The following OSBPL5 variants were observed in gnomAD, a reference collection of about 807,000 sequenced individuals.
OSBPL5 encodes oxysterol-binding protein-related protein 5.
In OSBPL5, 71 loss-of-function variants were observed where a neutral mutation model predicts 111.2. The observed-to-expected ratio is 0.64, with a 90% CI of 0.53 to 0.78. OSBPL5 has a LOEUF of 0.78. Ranked by LOEUF, OSBPL5 falls within the 30% of genes least tolerant of loss-of-function variation. OSBPL5 has a pLI of 0.00. For synonymous variants in OSBPL5, 549 were observed against 513.9 expected, an observed-to-expected ratio of 1.07 and a Z score of -0.93; for missense variants, 1,210 against 1,189.3, an observed-to-expected ratio of 1.02 and a Z score of -0.26.
chr11:3,128,891 C>T, intron 2 of OSBPL5, 122 bp downstream of exon 2: 1 of 957,718 alleles, frequency 1.0e-6, no homozygotes, highest in Non-Finnish European at 1.4e-6. Flanking sequence ...ATCATGAAAC[C>T]CACACAGTCC....
At position 3,116,007 on chromosome 11, in the gene OSBPL5, T is replaced by C. The variant is rs368495655; in HGVS notation, c.691+3540A>G. Among the ~76,000 whole-genome samples the C allele has an allele frequency of 3.8e-4, 58 of 152,266 alleles. 2 individuals are homozygous for C. In the East Asian group the frequency reaches 9.6e-3, roughly 25 times the overall value. ...ATTTGACAAACTTTCCAAAATCAAA[T>C]TATAAATTATGTCTTTTTCTAACCT... On this transcript the variant is annotated intron_variant, in intron 7 of 21. Coordinates refer to ENST00000263650, the MANE Select transcript of OSBPL5 (RefSeq NM_020896.4).
chr11:3,126,682 G>C lies in OSBPL5; in HGVS notation c.137-127C>G. The C allele has an allele frequency of 1.4e-6, 1 of 699,696 alleles. No homozygotes were observed. The highest frequency in any genetic ancestry group is 3.0e-5 in the East Asian group (1 of 33,826). 43.3% of individuals were successfully genotyped at this position (699,696 alleles called of 1,614,324 possible). A position where few individuals can be genotyped will look rare whatever the true frequency, so the allele number is the denominator to read the frequency against. On this transcript the variant is annotated intron_variant, in intron 2 of 21. Coordinates refer to ENST00000263650, the MANE Select transcript of OSBPL5 (RefSeq NM_020896.4). The surrounding 1 kb of genome is among the most constrained non-coding windows in gnomAD (Gnocchi z 6.5). ...CCTGGGAGGGGCAGGAAGTCAGCCG[G>C]AGGTGGTGGCAGGAACAGGACACTG...
intron 1 of OSBPL5, 83 bp from the exon 2 acceptor site, chr11:3,129,252 A>G (rs11025526): frequency 0.78 from 990,468 of 1,262,950 alleles, 391,524 homozygotes; most frequent in African/African-American, 0.89. Context: ...GCCCCTGGCT[A>G]AGAAGTCCCC....
At chr11:3,100,456 T>C (rs72844062) in intron 13 of OSBPL5, among the ~76,000 whole-genome samples, 200 bp from the exon 14 acceptor site, 15,892 of 152,250 alleles carry the variant, frequency 0.1, 946 homozygotes, top group Non-Finnish European at 0.14. Flanking sequence ...GCACAGGACA[T>C]CTGTGCTGAG....
In OSBPL5 at chr11:3,121,320, AGTGTTGGGATTACAG is replaced by A. The variant is rs2134456712; in HGVS notation, c.402+662_402+676del. On this transcript the variant is annotated intron_variant, in intron 5 of 21. Coordinates refer to ENST00000263650, the MANE Select transcript of OSBPL5 (RefSeq NM_020896.4). This position sits in a 1 kb window ranked among gnomAD's most constrained non-coding sequence, Gnocchi z 4.3. ...TGATCCACCCGCCTTAGCCTCCCAA[AGTGTTGGGATTACAG>A]GTGTGAGCCACTGCACCCGGCCTGG... Among the ~76,000 whole-genome samples, 1 of 152,218 alleles carries A rather than the reference AGTGTTGGGATTACAG, an allele frequency of 6.6e-6. No individual in the cohort carries two copies. Among genetic ancestry groups the A allele is most frequent in the African/African-American group, 2.4e-5 (1 of 41,542 alleles).
At position 3,093,667 on chromosome 11, in the gene OSBPL5, C is replaced by A; in HGVS notation, c.1810-4G>T. The stretch of plus-strand genomic sequence containing the variant: ...CCTTGATAAACACGTCCCTGTCCTG[C>A]CCCAGATGGCCAGCGGGGTCAGAGG... On this transcript the variant is annotated splice_region_variant and splice_polypyrimidine_tract_variant and intron_variant, in intron 16 of 21. Transcript: ENST00000263650. 6.2e-7 allele frequency: 1 copy of A among 1,613,202 alleles called. No individual in the cohort carries two copies. Among genetic ancestry groups the A allele is most frequent in the Non-Finnish European group, 8.5e-7 (1 of 1,179,928 alleles).
intron 14 of OSBPL5, among the ~76,000 whole-genome samples, chr11:3,097,002 AAG>A (rs767459905): frequency 0.01 from 615 of 60,310 alleles, no homozygotes; most frequent in Non-Finnish European, 0.012. Context: ...GAGAAGAGGA[AAG>A]AGGGGGAAGA....
intron 1 of OSBPL5, among the ~76,000 whole-genome samples, chr11:3,133,364 AC>A (rs1368924500): frequency 6.6e-6 from 1 of 152,232 alleles, no homozygotes; most frequent in East Asian, 1.9e-4. Context: ...GGCAGCAGCG[AC>A]CTGGGATCCC....
intron 19 of OSBPL5, 68 bp from the exon 20 acceptor site, chr11:3,090,764 G>A (rs768820403): frequency 6.6e-7 from 1 of 1,522,502 alleles, no homozygotes; most frequent in Non-Finnish European, 8.8e-7. Flanking sequence ...CAGGGACATG[G>A]TGGCATGCTT....
In OSBPL5 at chr11:3,096,512, G is replaced by A. The variant is rs144322111; in HGVS notation, c.1622-2178C>T. On this transcript the variant is annotated intron_variant, in intron 14 of 21. Coordinates refer to ENST00000263650, the MANE Select transcript of OSBPL5 (RefSeq NM_020896.4). The stretch of plus-strand genomic sequence containing the variant: ...CGCACGCATGTAATGCTAGCTACTC[G>A]GGAGGCTGAGGCAGGAGAATCGTTT... Among the ~76,000 whole-genome samples, 858 of 151,910 alleles carry A rather than the reference G, an allele frequency of 5.6e-3. 7 individuals are homozygous for A. Among genetic ancestry groups the A allele is most frequent in the African/African-American group, 0.02 (808 of 41,428 alleles).
At chr11:3,129,721 G>C (rs118031595) in intron 1 of OSBPL5, among the ~76,000 whole-genome samples, 97 of 152,320 alleles carry the variant, frequency 6.4e-4, no homozygotes, top group African/African-American at 2.2e-3. Context: ...GGTTAAGCCC[G>C]CCTGAAGCTT....
chr11:3,133,000 G>A (rs926934414), intron 1 of OSBPL5, among the ~76,000 whole-genome samples: 1 of 152,200 alleles, frequency 6.6e-6, no homozygotes, highest in Non-Finnish European at 1.5e-5. Context: ...AGGTGCCTGG[G>A]GTGCCTGCCT....
chr11:3,149,081 A>G (rs529002497), intron 1 of OSBPL5, among the ~76,000 whole-genome samples: 1 of 152,222 alleles, frequency 6.6e-6, no homozygotes, highest in Admixed American at 6.5e-5. Context: ...ACCTTTATAT[A>G]TCAGCTGCCA....
At chr11:3,131,963 A>G (rs1845823698) in intron 1 of OSBPL5, among the ~76,000 whole-genome samples, 1 of 37,886 alleles carries the variant, frequency 2.6e-5, no homozygotes, top group Non-Finnish European at 4.8e-5. Flanking sequence ...CCATCCATCC[A>G]TCCATCCATC....
rs904580572 is a variant in OSBPL5, at chr11:3,146,112, G to C, written c.-21-16943C>G. The C allele has an allele frequency of 2.0e-5, 3 of 152,190 alleles. No homozygotes were observed. Among genetic ancestry groups the C allele is most frequent in the Non-Finnish European group, 4.4e-5 (3 of 68,054 alleles). The allele number at this position is 152,190 out of a possible 1,614,324, so 9.4% of individuals were successfully genotyped here. ...AAGCCGAGTGTCATTTCTATTCCAG[G>C]CCCTTCCATCTCACCAGATGCTAGG... On this transcript the variant is annotated intron_variant, in intron 1 of 21. Coordinates refer to ENST00000263650, the MANE Select transcript of OSBPL5 (RefSeq NM_020896.4). This position sits in a 1 kb window ranked among gnomAD's most constrained non-coding sequence, Gnocchi z 7.8.
In OSBPL5 at chr11:3,130,363, C is replaced by T. The variant is rs987652038; in HGVS notation, c.-21-1194G>A. Among the ~76,000 whole-genome samples, 1 of 152,258 alleles carries T rather than the reference C, an allele frequency of 6.6e-6. No individual in the cohort carries two copies. Among genetic ancestry groups the T allele is most frequent in the African/African-American group, 2.4e-5 (1 of 41,470 alleles). Reference sequence around the variant, plus strand: ...GCAGGCCAGTGGCATCCTGCCAAGCCCGGGACAAAGGCCTCGATTTCTCCC... The same window carrying T: ...GCAGGCCAGTGGCATCCTGCCAAGCTCGGGACAAAGGCCTCGATTTCTCCC... On this transcript the variant is annotated intron_variant, in intron 1 of 21. Transcript: ENST00000263650. This position sits in a 1 kb window ranked among gnomAD's most constrained non-coding sequence, Gnocchi z 4.5.
At chr11:3,108,006 A>G in intron 7 of OSBPL5, 61 bp from the exon 8 acceptor site, 3 of 1,556,636 alleles carry the variant, frequency 1.9e-6, no homozygotes, top group Non-Finnish European at 2.6e-6. Flanking sequence ...GCATCCCCCA[A>G]GGGGCCACCA....
intron 7 of OSBPL5, 145 bp downstream of exon 7, chr11:3,119,402 C>T (rs980586850): frequency 5.1e-5 from 38 of 738,338 alleles, no homozygotes; most frequent in African/African-American, 1.3e-4. Context: ...GACTCCGAGC[C>T]GGGCTCATCC....
rs768142941 is a variant in OSBPL5 at position 3,107,731 on chromosome 11, C to T, written c.866+40G>A. On this transcript the variant is annotated intron_variant, in intron 8 of 21. Coordinates refer to ENST00000263650, the MANE Select transcript of OSBPL5 (RefSeq NM_020896.4). The surrounding 1 kb of genome is among the most constrained non-coding windows in gnomAD (Gnocchi z 6.1). ...CTCTTCCTCGCCTACAAGGAGACCC[C>T]GTGAATCACCACCAGCCCCTGTGCC... The T allele has an allele frequency of 1.0e-5, 16 of 1,601,780 alleles. No individual in the cohort carries two copies. Among genetic ancestry groups the T allele is most frequent in the East Asian group, 2.2e-5 (1 of 44,804 alleles).
Sources: gnomAD v4.1 joint callset for allele counts (sites outside exome capture counted in the v4.1 genomes callset) on GRCh38, gnomAD v4.1.1 for gene constraint, Gnocchi (gnomAD v3.1) non-coding constraint, MANE v1.5 for transcripts, NCBI Gene and HGNC (gene_info 2026-07-23, HGNC 2026-07-21) for gene names.